Variants in NAPEPLD observed in about 807,000 individuals in gnomAD.
NAPEPLD encodes N-acyl phosphatidylethanolamine phospholipase D.
NAPEPLD carries 23 observed loss-of-function variants against 38.1 expected under a neutral mutation model. The observed-to-expected ratio is 0.60, with a 90% CI of 0.43 to 0.86. NAPEPLD has a LOEUF of 0.86. Among genes scored for constraint, NAPEPLD ranks in the 40% least tolerant of loss-of-function variants. The probability of loss-of-function intolerance (pLI) is 0.00; values close to 1 mark genes in which losing one functional copy is unlikely to be tolerated. For synonymous variants in NAPEPLD, 147 were observed against 162.0 expected (o/e 0.91, Z 0.71); for missense variants, 411 against 476.8 (o/e 0.86, Z 1.28).
intron 2 of NAPEPLD, among the ~76,000 whole-genome samples, chr7:103,121,026 TG>T (rs1414715206): frequency 3.9e-5 from 6 of 152,170 alleles, no homozygotes; most frequent in African/African-American, 1.4e-4. Flanking sequence ...TCTCACTTTC[TG>T]AGTACCTATA....
intron 1 of NAPEPLD, among the ~76,000 whole-genome samples, chr7:103,146,943 C>T (rs182095875): frequency 1.8e-4 from 27 of 152,212 alleles, no homozygotes; most frequent in Admixed American, 1.6e-3. Context: ...TATATATATA[C>T]ATATATTTAA....
chr7:103,142,315 T>A (rs1811578525), intron 1 of NAPEPLD, among the ~76,000 whole-genome samples: 1 of 151,524 alleles, frequency 6.6e-6, no homozygotes, highest in African/African-American at 2.4e-5. Flanking sequence ...AGGTAGAAAG[T>A]TTAACAGGGG....
At chr7:103,107,591 ACTT>A (rs745440458) in intron 4 of NAPEPLD, among the ~76,000 whole-genome samples, 17 of 152,078 alleles carry the variant, frequency 1.1e-4, no homozygotes, top group Non-Finnish European at 2.1e-4. Context: ...CAGTAAGAGA[ACTT>A]CATTAAGCAT....
At chr7:103,110,793 C>G (rs1226717129) in intron 4 of NAPEPLD, among the ~76,000 whole-genome samples, 1 of 152,174 alleles carries the variant, frequency 6.6e-6, no homozygotes, top group Admixed American at 6.5e-5. Flanking sequence ...CAGATTGTCT[C>G]TGTTTGCAGA....
At chr7:103,108,953 A>G (rs1803956064) in intron 4 of NAPEPLD, among the ~76,000 whole-genome samples, 1 of 152,194 alleles carries the variant, frequency 6.6e-6, no homozygotes, top group South Asian at 2.1e-4. Flanking sequence ...AGTCTCTGAT[A>G]AAACAGATTT....
intron 4 of NAPEPLD, among the ~76,000 whole-genome samples, chr7:103,110,146 AG>A (rs1415025568): frequency 1.3e-5 from 2 of 152,198 alleles, no homozygotes; most frequent in Non-Finnish European, 2.9e-5. Flanking sequence ...AGGTACAAAG[AG>A]GAGCTGGTAC....
chr7:103,136,701 A>G (rs2129533934), intron 1 of NAPEPLD, among the ~76,000 whole-genome samples: 1 of 152,168 alleles, frequency 6.6e-6, no homozygotes, highest in Middle Eastern at 3.4e-3. Context: ...AGAATTTCAT[A>G]TGGCTTTAAA....
chr7:103,114,798 G>A (rs548845744), intron 4 of NAPEPLD, among the ~76,000 whole-genome samples: 7 of 152,220 alleles, frequency 4.6e-5, no homozygotes, highest in Non-Finnish European at 7.4e-5. Flanking sequence ...CAGATTTTTG[G>A]TTATACAAAT....
chr7:103,137,657 T>C (rs1252674328), intron 1 of NAPEPLD, among the ~76,000 whole-genome samples: 1 of 151,806 alleles, frequency 6.6e-6, no homozygotes, highest in East Asian at 1.9e-4. Context: ...AAGTATTTAA[T>C]TGAAAAGGTC....
intron 2 of NAPEPLD, among the ~76,000 whole-genome samples, chr7:103,125,890 A>AAATAATAATAATAATAATAATAAT (rs142799732): frequency 6.9e-5 from 10 of 145,358 alleles, no homozygotes; most frequent in African/African-American, 2.5e-4. Flanking sequence ...TCTGTCTCAA[A>AAATAATAATAATAATAATAATAAT]AATAATAATA....
At position 103,112,782 on chromosome 7, in the gene NAPEPLD, T is replaced by C. The variant is rs558969465; in HGVS notation, c.1056+2278A>G. 2.0e-4 allele frequency among the ~76,000 whole-genome samples: 30 copies of C among 152,162 alleles called. No individual in the cohort carries two copies. The South Asian group carries it at 5.6e-3, about 28-fold the overall frequency. On this transcript the variant is annotated intron_variant, in intron 4 of 4. Transcript: ENST00000465647. ...AAAAAAAGAAGTAAAGGGTAACATA[T>C]CCTCTCTGAAGATTATATCTGCTTT...
chr7:103,112,588 C>T (rs983334607), intron 4 of NAPEPLD, among the ~76,000 whole-genome samples: 2 of 151,854 alleles, frequency 1.3e-5, no homozygotes, highest in African/African-American at 4.8e-5. Flanking sequence ...GAACATCACA[C>T]ATTGGGGCCT....
At chr7:103,133,713 A>G (rs992066574) in intron 1 of NAPEPLD, among the ~76,000 whole-genome samples, 1 of 152,244 alleles carries the variant, frequency 6.6e-6, no homozygotes, top group Non-Finnish European at 1.5e-5. Context: ...CTGTAATTAA[A>G]TGTGGCAAAT....
intron 1 of NAPEPLD, among the ~76,000 whole-genome samples, chr7:103,129,582 C>G (rs1186656076): frequency 6.6e-6 from 1 of 152,138 alleles, no homozygotes; most frequent in African/African-American, 2.4e-5. Flanking sequence ...ATTCTGTAAC[C>G]AATGCCCCCA....
chr7:103,147,470 C>T (rs764153689), intron 1 of NAPEPLD, among the ~76,000 whole-genome samples: 6 of 152,282 alleles, frequency 3.9e-5, no homozygotes, highest in Non-Finnish European at 7.4e-5. Flanking sequence ...CACAGCTATC[C>T]ATCACCACAA....
upstream of NAPEPLD, chr7:103,149,169 C>G (rs966781242): frequency 1.0e-6 from 1 of 991,350 alleles, no homozygotes; most frequent in South Asian, 4.6e-5. Context: ...CGGGAGAAAA[C>G]CGCCTCCCGC....
chr7:103,135,287 C>T (rs1809797419), intron 1 of NAPEPLD, among the ~76,000 whole-genome samples: 1 of 152,198 alleles, frequency 6.6e-6, no homozygotes, highest in Admixed American at 6.5e-5. Context: ...TGATACAATG[C>T]TAGATAACAT....
At chr7:103,113,572 C>CTT (rs5886246) in intron 4 of NAPEPLD, among the ~76,000 whole-genome samples, 1 of 138,262 alleles carries the variant, frequency 7.2e-6, no homozygotes, top group Non-Finnish European at 1.5e-5. Context: ...CCTAACCACA[C>CTT]TTTTTTTTTT....
At chr7:103,111,598 C>T (rs1804538391) in intron 4 of NAPEPLD, among the ~76,000 whole-genome samples, 1 of 152,166 alleles carries the variant, frequency 6.6e-6, no homozygotes, top group Non-Finnish European at 1.5e-5. Context: ...ACACCTTATA[C>T]AAAAATTAAC....
Sources: gnomAD v4.1 joint callset for allele counts (sites outside exome capture counted in the v4.1 genomes callset) on GRCh38, gnomAD v4.1.1 for gene constraint, MANE v1.5 for transcripts, NCBI Gene and HGNC (gene_info 2026-07-23, HGNC 2026-07-21) for gene names.